CDH13: variants seen among roughly 807,000 people sequenced by gnomAD.
CDH13 encodes cadherin 13, also known as cadherin-13.
In CDH13, 24 loss-of-function variants were observed where a neutral mutation model predicts 63.8. That is an observed-to-expected ratio of 0.38 (90% CI 0.27 to 0.53). CDH13 has a LOEUF of 0.53. CDH13 is among the 20% of genes least tolerant of loss of function. The pLI, the probability that CDH13 is intolerant of heterozygous loss-of-function variation, is 0.85. For missense variants in CDH13, 1,049 were observed against 903.1 expected, an observed-to-expected ratio of 1.16 and a Z score of -2.07; for synonymous variants, 503 against 355.3, an observed-to-expected ratio of 1.42 and a Z score of -4.67.
chr16:83,405,261 C>A (rs1361641454), intron 6 of CDH13, among the ~76,000 whole-genome samples: 2 of 152,176 alleles, frequency 1.3e-5, no homozygotes, highest in African/African-American at 4.8e-5. Context: ...AGCTTATCCC[C>A]CATCCCCCTG....
At chr16:82,797,206 C>T (rs2036624510) in intron 1 of CDH13, among the ~76,000 whole-genome samples, 1 of 152,166 alleles carries the variant, frequency 6.6e-6, no homozygotes, top group Non-Finnish European at 1.5e-5. Flanking sequence ...TTTTCAGTTG[C>T]TTCTGAATAC....
chr16:83,003,158 C>T (rs1011547836), intron 2 of CDH13, among the ~76,000 whole-genome samples: 2 of 152,166 alleles, frequency 1.3e-5, no homozygotes, highest in Non-Finnish European at 1.5e-5. Context: ...TGTAATTTGT[C>T]TGTGTGTTCA....
intron 4 of CDH13, among the ~76,000 whole-genome samples, chr16:83,131,820 T>C (rs2036065645): frequency 1.3e-5 from 2 of 152,214 alleles, no homozygotes; most frequent in Non-Finnish European, 2.9e-5. Flanking sequence ...TAGAAGGCCA[T>C]CTTTAACCCA....
intron 5 of CDH13, among the ~76,000 whole-genome samples, chr16:83,275,438 T>C (rs74578133): frequency 0.018 from 2,711 of 152,306 alleles, 59 homozygotes; most frequent in Non-Finnish European, 0.02. Context: ...CAGAGCCCCC[T>C]TTCAGAGTAA....
At chr16:83,321,929 C>T (rs999254398) in intron 5 of CDH13, among the ~76,000 whole-genome samples, 1 of 152,182 alleles carries the variant, frequency 6.6e-6, no homozygotes, top group African/African-American at 2.4e-5. Flanking sequence ...GGGCCAGATT[C>T]AGTCCATGGA....
intron 2 of CDH13, among the ~76,000 whole-genome samples, chr16:82,963,272 G>C (rs532952043): frequency 1.3e-5 from 2 of 152,096 alleles, no homozygotes; most frequent in South Asian, 4.2e-4. Context: ...CCAGCTACTA[G>C]GGAGGCTGAG....
At chr16:83,549,257 A>C (rs2150667413) in intron 7 of CDH13, among the ~76,000 whole-genome samples, 1 of 152,236 alleles carries the variant, frequency 6.6e-6, no homozygotes, top group Non-Finnish European at 1.5e-5. Flanking sequence ...GTTCCGAGAA[A>C]ACATCCCACT....
chr16:83,103,542 G>T (rs1024037000), intron 3 of CDH13, among the ~76,000 whole-genome samples: 1 of 152,080 alleles, frequency 6.6e-6, no homozygotes, highest in East Asian at 1.9e-4. Context: ...CACCGTGCCC[G>T]GCTAATTAAA....
intron 2 of CDH13, among the ~76,000 whole-genome samples, chr16:82,991,125 A>C (rs1394327843): frequency 6.6e-6 from 1 of 152,188 alleles, no homozygotes; most frequent in Non-Finnish European, 1.5e-5. Flanking sequence ...ATCTTGCACA[A>C]TGGCCTTCTC....
chr16:82,809,129 C>A (rs1235341921), intron 1 of CDH13, among the ~76,000 whole-genome samples: 3 of 151,998 alleles, frequency 2.0e-5, no homozygotes, highest in Non-Finnish European at 4.4e-5. Context: ...ATTATCATTG[C>A]AAAGTGGCTC....
chr16:83,710,312 G>A lies in CDH13; in HGVS notation c.1538+31851G>A, dbSNP rs180797046. The A allele has an allele frequency of 1.5e-3, 231 of 152,376 alleles. 1 individual carries two copies. Among genetic ancestry groups the A allele is most frequent in the African/African-American group, 5.1e-3 (213 of 41,590 alleles). The allele number at this position is 152,376 out of a possible 1,614,324, so 9.4% of individuals were successfully genotyped here. On this transcript the variant is annotated intron_variant, in intron 10 of 13. Coordinates refer to ENST00000567109, the MANE Select transcript of CDH13 (RefSeq NM_001257.5). ...ATGACCTCTGATTAAAAGCAAGAGAGCTGGCTTAAAACCTGTTCAAGGCCA... is the reference window on the plus strand; with the variant it reads ...ATGACCTCTGATTAAAAGCAAGAGAACTGGCTTAAAACCTGTTCAAGGCCA...
intron 5 of CDH13, among the ~76,000 whole-genome samples, chr16:83,252,201 T>C (rs1194402796): frequency 1.3e-5 from 2 of 149,064 alleles, no homozygotes; most frequent in African/African-American, 4.9e-5. Context: ...CCACCCCTAA[T>C]GCATTTTTAT....
At chr16:83,430,665 G>T (rs1227931281) in intron 6 of CDH13, among the ~76,000 whole-genome samples, 1 of 152,114 alleles carries the variant, frequency 6.6e-6, no homozygotes, top group Non-Finnish European at 1.5e-5. Context: ...CTGTTGGTAG[G>T]TTGAAATTGT....
chr16:82,907,387 A>G lies in CDH13; in HGVS notation c.157+48914A>G, dbSNP rs140429737. 1.2e-4 allele frequency among the ~76,000 whole-genome samples: 18 copies of G among 152,120 alleles called. No individual in the cohort carries two copies. In the East Asian group the frequency reaches 3.5e-3, roughly 29 times the overall value. On this transcript the variant is annotated intron_variant, in intron 2 of 13. Coordinates refer to ENST00000567109, the MANE Select transcript of CDH13 (RefSeq NM_001257.5). Reference sequence around the variant, plus strand: ...ACCCCTGTTTAATCATAATCCCTTTACTGTAGGGATTAAAAACTACTGTTT... The same window carrying G: ...ACCCCTGTTTAATCATAATCCCTTTGCTGTAGGGATTAAAAACTACTGTTT...
At chr16:82,863,828 T>C (rs1048523342) in intron 2 of CDH13, among the ~76,000 whole-genome samples, 16 of 152,198 alleles carry the variant, frequency 1.1e-4, no homozygotes, top group Non-Finnish European at 2.1e-4. Context: ...GCAGTGATTG[T>C]AGGGCATTTG....
chr16:83,540,222 G>A (rs564994645), intron 7 of CDH13, among the ~76,000 whole-genome samples: 1 of 151,972 alleles, frequency 6.6e-6, no homozygotes, highest in Non-Finnish European at 1.5e-5. Context: ...AAAGATTGAG[G>A]GTCGTGATCA....
At chr16:83,036,782 T>G (rs1291059840) in intron 3 of CDH13, among the ~76,000 whole-genome samples, 1 of 152,146 alleles carries the variant, frequency 6.6e-6, no homozygotes, top group Admixed American at 6.6e-5. Flanking sequence ...ATTCATCTTC[T>G]CATTCTCAGG....
intron 5 of CDH13, among the ~76,000 whole-genome samples, chr16:83,343,507 A>T (rs1045521471): frequency 6.6e-6 from 1 of 152,238 alleles, no homozygotes; most frequent in Non-Finnish European, 1.5e-5. Flanking sequence ...GAACAAAAGT[A>T]TGAGTCTTTC....
At chr16:83,422,817 A>G (rs916422210) in intron 6 of CDH13, among the ~76,000 whole-genome samples, 3 of 152,178 alleles carry the variant, frequency 2.0e-5, no homozygotes, top group Non-Finnish European at 2.9e-5. Context: ...TGATAATTAC[A>G]TAAGATGCTT....
Sources: gnomAD v4.1 joint callset for allele counts (sites outside exome capture counted in the v4.1 genomes callset) on GRCh38, gnomAD v4.1.1 for gene constraint, MANE v1.5 for transcripts, NCBI Gene and HGNC (gene_info 2026-07-23, HGNC 2026-07-21) for gene names.